Variants in MIA2 observed in about 807,000 individuals in gnomAD.
MIA2 encodes melanoma inhibitory activity protein 2.
A neutral mutation model predicts 167.8 loss-of-function variants in MIA2; 127 were observed. The ratio of observed to expected loss-of-function variants is 0.76; its 90% CI spans 0.66 to 0.88. The LOEUF is 0.88. Ranked by LOEUF, MIA2 falls within the 40% of genes least tolerant of loss-of-function variation. MIA2 has a pLI of 0.00. For missense variants in MIA2, 1,690 were observed against 1,624.7 expected (o/e 1.04, Z -0.69); for synonymous variants, 552 against 541.9 (o/e 1.02, Z -0.26).
At chr14:39,301,682 C>CTA (rs2062525371) in intron 14 of MIA2, among the ~76,000 whole-genome samples, 1 of 152,154 alleles carries the variant, frequency 6.6e-6, no homozygotes, top group South Asian at 2.1e-4. Flanking sequence ...TTCAAATTCT[C>CTA]TTTTATAAAT....
chr14:39,358,756 G>C (rs1230205044), intron 23 of MIA2, among the ~76,000 whole-genome samples: 1 of 152,158 alleles, frequency 6.6e-6, no homozygotes, highest in Non-Finnish European at 1.5e-5. Flanking sequence ...CTGTTTGTTA[G>C]TTTTCCTTCT....
At chr14:39,383,607 T>C (rs1423897254) in intron 23 of MIA2, among the ~76,000 whole-genome samples, 2 of 152,200 alleles carry the variant, frequency 1.3e-5, no homozygotes. Context: ...GAGGAAGGCA[T>C]GTTGAAACTA....
chr14:39,342,581 T>C (rs11157061), intron 25 of MIA2, among the ~76,000 whole-genome samples: 55,662 of 151,984 alleles, frequency 0.37, 11,383 homozygotes, highest in African/African-American at 0.55. Flanking sequence ...CCTGAGGAAT[T>C]GCCACACTGA....
chr14:39,357,426 T>C (rs1176507737), intron 23 of MIA2, among the ~76,000 whole-genome samples: 3 of 152,222 alleles, frequency 2.0e-5, no homozygotes, highest in Non-Finnish European at 4.4e-5. Context: ...TCCATCCCTT[T>C]ATTTTGAGCC....
At chr14:39,244,025 C>G (rs1010496213) in intron 3 of MIA2, among the ~76,000 whole-genome samples, 11 of 152,206 alleles carry the variant, frequency 7.2e-5, no homozygotes, top group African/African-American at 2.4e-4. Context: ...CCCAGAAAAG[C>G]CTGTCTGTCT....
At chr14:39,373,726 C>T (rs540627534) in intron 23 of MIA2, among the ~76,000 whole-genome samples, 1 of 152,226 alleles carries the variant, frequency 6.6e-6, no homozygotes, top group African/African-American at 2.4e-5. Context: ...GAGGCTGAGG[C>T]ATGAGAATCA....
At chr14:39,309,272 G>A (rs1483439264) in intron 18 of MIA2, among the ~76,000 whole-genome samples, 3 of 152,270 alleles carry the variant, frequency 2.0e-5, no homozygotes, top group African/African-American at 7.2e-5. Context: ...TGTGAATTGT[G>A]AGTATGGTCA....
At chr14:39,326,447 G>A (rs1317228187) in intron 24 of MIA2, among the ~76,000 whole-genome samples, 1 of 152,016 alleles carries the variant, frequency 6.6e-6, no homozygotes, top group Admixed American at 6.6e-5. Flanking sequence ...GTTAAACTGA[G>A]TACATTTCCA....
intron 23 of MIA2, among the ~76,000 whole-genome samples, chr14:39,363,356 C>T (rs1044982865): frequency 1.3e-5 from 2 of 152,132 alleles, no homozygotes; most frequent in African/African-American, 4.8e-5. Flanking sequence ...ATGGCAAAAT[C>T]CTGTCTCTAC....
Position 39,302,272 on chromosome 14 carries a change from C to T in MIA2, c.2740+23C>T, listed in dbSNP as rs2062641364. The T allele has an allele frequency of 1.9e-6, 3 of 1,609,942 alleles. No homozygotes were observed. The East Asian group carries it at 6.7e-5, about 36-fold the overall frequency. On this transcript the variant is annotated intron_variant, in intron 15 of 28. Transcript: ENST00000640607. ...TAGGTATTAAGTCATGACTCATCTC[C>T]TTTTGCTAAAATGGTGACTAGCTCT...
chr14:39,351,551 A>T (rs577157170), downstream of MIA2, among the ~76,000 whole-genome samples: 2 of 152,270 alleles, frequency 1.3e-5, no homozygotes, highest in East Asian at 3.9e-4. Flanking sequence ...AAGGTGATGT[A>T]TTAGGAAGTA....
chr14:39,331,384 A>G (rs2068837538), intron 25 of MIA2, among the ~76,000 whole-genome samples: 1 of 152,020 alleles, frequency 6.6e-6, no homozygotes. Context: ...AATACAGTAC[A>G]CCGATGGGTC....
At position 39,294,977 on chromosome 14, in the gene MIA2, C is replaced by A. The variant is rs1305593643; in HGVS notation, c.2444C>A (p.Ala815Glu). The A allele has an allele frequency of 1.9e-6, 3 of 1,613,872 alleles. No individual in the cohort carries two copies. The highest frequency in any genetic ancestry group is 2.2e-5 in the South Asian group (2 of 91,062). The change falls in exon 13 of 29, where the codon GCA becomes GAA. Residue 815 changes from alanine to glutamate, a missense_variant. Physicochemically the swap from Ala to Glu is moderately radical, Grantham distance 107. Coordinates refer to ENST00000640607, the MANE Select transcript of MIA2 (RefSeq NM_001329214.4). ...ATGAATGAAGAACGACTGAAGATAG[C>A]AATAAAAGATGCTTTGAATGAAAAT... ...FQMNEERLKIAIKDALNENSQ... is the reference protein window; with the variant it reads ...FQMNEERLKIEIKDALNENSQ...
At chr14:39,251,565 G>A (rs2054576838) in intron 4 of MIA2, among the ~76,000 whole-genome samples, 1 of 151,980 alleles carries the variant, frequency 6.6e-6, no homozygotes. Flanking sequence ...ATAAATTTGA[G>A]TATAATTATT....
intron 6 of MIA2, among the ~76,000 whole-genome samples, chr14:39,263,018 G>C (rs893921463): frequency 2.6e-5 from 4 of 152,070 alleles, no homozygotes; most frequent in African/African-American, 9.7e-5. Context: ...TCCTTCTCTT[G>C]CCTGATTGCC....
intron 3 of MIA2, among the ~76,000 whole-genome samples, chr14:39,244,573 C>CT (rs1252946149): frequency 6.6e-6 from 1 of 152,056 alleles, no homozygotes; most frequent in Admixed American, 6.6e-5. Flanking sequence ...GAAGCTTATT[C>CT]TTTAAAAAAC....
At chr14:39,267,571 C>T in intron 6 of MIA2, 2 of 1,602,552 alleles carry the variant, frequency 1.2e-6, no homozygotes, top group Non-Finnish European at 8.5e-7. Context: ...TCGCGGGAGC[C>T]GCCGGGGGAA....
rs1409017550 is a variant in MIA2, at chr14:39,288,452, TATATATATATATATATATA to T, written c.2131-2566_2131-2548del. On this transcript the variant is annotated intron_variant, in intron 9 of 28. Coordinates refer to ENST00000640607, the MANE Select transcript of MIA2 (RefSeq NM_001329214.4). ...TTATACATATATATATATATATATA[TATATATATATATATATATA>T]TATATTTTTTTTTTTTTTTTTGAGA... Among the ~76,000 whole-genome samples the T allele has an allele frequency of 4.0e-3, 60 of 15,102 alleles. 2 individuals carry two copies. The highest frequency in any genetic ancestry group is 5.5e-3 in the South Asian group (2 of 364). The allele number at this position is 15,102 out of a possible 152,430, so 9.9% of individuals were successfully genotyped here.
chr14:39,253,379 TG>T (rs1448413459), intron 6 of MIA2: 2 of 692,832 alleles, frequency 2.9e-6, no homozygotes, highest in Non-Finnish European at 4.7e-6. Flanking sequence ...TAAGTTTTGT[TG>T]ATGTTGATCT....
Sources: allele counts gnomAD v4.1 joint callset (sites outside exome capture counted in the v4.1 genomes callset), GRCh38; gene constraint gnomAD v4.1.1; transcripts MANE v1.5; gene names NCBI Gene and HGNC (gene_info 2026-07-23, HGNC 2026-07-21).